Variants in THSD7B observed in about 807,000 individuals in gnomAD.
THSD7B encodes thrombospondin type-1 domain-containing protein 7B.
In THSD7B, 138 loss-of-function variants were observed where a neutral mutation model predicts 213.6. That is an observed-to-expected ratio of 0.65 (90% CI 0.56 to 0.74). THSD7B has a LOEUF of 0.74. Among genes scored for constraint, THSD7B ranks in the 30% least tolerant of loss-of-function variants. The probability of loss-of-function intolerance (pLI) is 0.00; values close to 1 mark genes in which losing one functional copy is unlikely to be tolerated. For missense variants in THSD7B, 1,931 were observed against 1,991.5 expected (o/e 0.97, Z 0.58); for synonymous variants, 742 against 687.0 (o/e 1.08, Z -1.25).
intron 2 of THSD7B, among the ~76,000 whole-genome samples, chr2:137,020,091 G>A (rs1686415127): frequency 6.6e-6 from 1 of 152,182 alleles, no homozygotes; most frequent in Admixed American, 6.5e-5. Flanking sequence ...AACTAGCTAT[G>A]GAAGTCCCAC....
chr2:136,912,222 T>C (rs1004903613), intron 2 of THSD7B, among the ~76,000 whole-genome samples: 2 of 147,932 alleles, frequency 1.4e-5, no homozygotes, highest in African/African-American at 5.1e-5. Context: ...GTCATGAGGC[T>C]GAGGCAGGGA....
At chr2:137,076,582 G>T (rs535979133) in intron 3 of THSD7B, among the ~76,000 whole-genome samples, 1 of 152,234 alleles carries the variant, frequency 6.6e-6, no homozygotes, top group East Asian at 1.9e-4. Flanking sequence ...CGCACAGTGC[G>T]CTGCACCCAC....
intron 15 of THSD7B, among the ~76,000 whole-genome samples, chr2:137,456,578 A>C (rs981184059): frequency 2.6e-5 from 4 of 152,226 alleles, no homozygotes; most frequent in African/African-American, 9.6e-5. Flanking sequence ...GAACTTTGGC[A>C]GGAGCCCCAG....
At chr2:136,941,564 G>C (rs1684827469) in intron 2 of THSD7B, among the ~76,000 whole-genome samples, 1 of 152,160 alleles carries the variant, frequency 6.6e-6, no homozygotes, top group African/African-American at 2.4e-5. Flanking sequence ...GGTGTGAGAT[G>C]GTATCTCACT....
Position 137,536,262 on chromosome 2 carries a change from T to C in THSD7B, c.3139-26959T>C, listed in dbSNP as rs542466269. Among the ~76,000 whole-genome samples the C allele has an allele frequency of 3.3e-5, 5 of 150,986 alleles. No individual in the cohort carries two copies. The South Asian group carries it at 8.4e-4, about 25-fold the overall frequency. On this transcript the variant is annotated intron_variant, in intron 15 of 27. Transcript: ENST00000409968. The stretch of plus-strand genomic sequence containing the variant: ...GACTCAGACTTTCCCGTTTGGAAAA[T>C]AGGACACATATATAAAAAGCCAAAT...
intron 12 of THSD7B, among the ~76,000 whole-genome samples, chr2:137,341,742 T>G (rs931622563): frequency 3.3e-5 from 5 of 151,630 alleles, no homozygotes; most frequent in Non-Finnish European, 5.9e-5. Flanking sequence ...CTATTGCATA[T>G]TCTTAGGCAC....
At chr2:137,575,819 C>T (rs72844527) in intron 17 of THSD7B, among the ~76,000 whole-genome samples, 2 of 151,058 alleles carry the variant, frequency 1.3e-5, no homozygotes, top group Admixed American at 6.6e-5. Context: ...ATACAATAAC[C>T]TTCCTAATAG....
intron 21 of THSD7B, among the ~76,000 whole-genome samples, chr2:137,653,739 A>G (rs543197136): frequency 2.0e-5 from 3 of 151,382 alleles, no homozygotes; most frequent in Non-Finnish European, 4.4e-5. Context: ...AGTTCAGCAA[A>G]TGTAGTTGTT....
In THSD7B at chr2:137,105,253, G is replaced by T. The variant is rs145019247; in HGVS notation, c.1200-9871G>T. ...CCCAGGGATGCAAGGCGGATTCAAC[G>T]TATGCAAATCAATAAACGTAATCCA... On this transcript the variant is annotated intron_variant, in intron 4 of 27. Coordinates refer to ENST00000409968, the MANE Select transcript of THSD7B (RefSeq NM_001316349.2). 2.0e-5 allele frequency among the ~76,000 whole-genome samples: 3 copies of T among 152,132 alleles called. No homozygotes were observed. In the East Asian group the frequency reaches 5.8e-4, roughly 29 times the overall value.
At chr2:137,399,096 C>T (rs1440877240) in intron 12 of THSD7B, among the ~76,000 whole-genome samples, 3 of 151,908 alleles carry the variant, frequency 2.0e-5, no homozygotes, top group Non-Finnish European at 4.4e-5. Flanking sequence ...CCCGGTACCT[C>T]AGATGGAAAT....
intron 12 of THSD7B, among the ~76,000 whole-genome samples, chr2:137,325,096 A>C (rs964906146): frequency 3.9e-5 from 6 of 152,244 alleles, no homozygotes; most frequent in African/African-American, 1.4e-4. Context: ...AAGTCACTGG[A>C]CAGGCGGCCA....
intron 17 of THSD7B, among the ~76,000 whole-genome samples, chr2:137,584,401 C>G (rs1461257915): frequency 1.3e-5 from 2 of 152,192 alleles, no homozygotes; most frequent in African/African-American, 4.8e-5. Flanking sequence ...AGAGGACATT[C>G]CTGTCTTGTG....
chr2:137,638,826 G>A (rs1682883340), intron 20 of THSD7B, among the ~76,000 whole-genome samples: 1 of 152,158 alleles, frequency 6.6e-6, no homozygotes, highest in Non-Finnish European at 1.5e-5. Context: ...CCCTGCCCTA[G>A]AGATTTGTGA....
At chr2:137,451,046 TAAAA>T (rs758836788) in intron 15 of THSD7B, 23 bp downstream of exon 15, 1 of 1,513,794 alleles carries the variant, frequency 6.6e-7, no homozygotes, top group Non-Finnish European at 8.8e-7. Context: ...AAGCAACAAA[TAAAA>T]AGCTAAAAAA....
At chr2:137,153,645 A>T (rs1343744245) in intron 5 of THSD7B, among the ~76,000 whole-genome samples, 3 of 152,204 alleles carry the variant, frequency 2.0e-5, no homozygotes, top group African/African-American at 7.2e-5. Flanking sequence ...GAAACAATGC[A>T]TGATGCTTCT....
At chr2:137,423,064 A>G (rs373592599) in intron 14 of THSD7B, among the ~76,000 whole-genome samples, 5 of 152,164 alleles carry the variant, frequency 3.3e-5, no homozygotes, top group Admixed American at 1.3e-4. Flanking sequence ...CCTAAATAAG[A>G]AAGTAAACAG....
intron 7 of THSD7B, among the ~76,000 whole-genome samples, chr2:137,215,989 TG>T (rs1681233836): frequency 6.6e-6 from 1 of 152,166 alleles, no homozygotes; most frequent in African/African-American, 2.4e-5. Flanking sequence ...ATTTTCTGCC[TG>T]GGTACTCAAT....
At chr2:137,468,030 A>G (rs1010370814) in intron 15 of THSD7B, among the ~76,000 whole-genome samples, 4 of 152,230 alleles carry the variant, frequency 2.6e-5, no homozygotes, top group Non-Finnish European at 4.4e-5. Flanking sequence ...AAGAATGCTA[A>G]TGAAGAAAAC....
chr2:137,566,549 C>T (rs1312596586), intron 16 of THSD7B, among the ~76,000 whole-genome samples: 1 of 152,168 alleles, frequency 6.6e-6, no homozygotes, highest in Admixed American at 6.6e-5. Context: ...CTGATTAACC[C>T]TACATCCTGC....
Sources: allele counts gnomAD v4.1 joint callset (sites outside exome capture counted in the v4.1 genomes callset), GRCh38; gene constraint gnomAD v4.1.1; transcripts MANE v1.5; gene names NCBI Gene and HGNC (gene_info 2026-07-23, HGNC 2026-07-21).